SFXN3: variants seen among roughly 807,000 people sequenced by gnomAD.
SFXN3 encodes sideroflexin 3.
Under a neutral mutation model 40.4 loss-of-function variants are expected in SFXN3, and 31 were observed. The observed-to-expected ratio is 0.77, with a 90% CI of 0.58 to 1.04. The LOEUF is 1.04. Among genes scored for constraint, SFXN3 ranks in the 50% least tolerant of loss-of-function variants. The pLI, the probability that SFXN3 is intolerant of heterozygous loss-of-function variation, is 0.00. For synonymous variants in SFXN3, 157 were observed against 160.0 expected (o/e 0.98, Z 0.14); for missense variants, 366 against 408.2 (o/e 0.90, Z 0.89).
At chr10:101,035,464 C>A in intron 3 of SFXN3, 33 bp from the exon 4 acceptor site, 1 of 1,575,290 alleles carries the variant, frequency 6.3e-7, no homozygotes, top group Non-Finnish European at 8.6e-7. Flanking sequence ...TGCCCCCTGG[C>A]ATAGCCTGTC....
At chr10:101,035,521 C>T in exon 4 of SFXN3, 1 of 1,609,492 alleles carries the variant, frequency 6.2e-7, no homozygotes, top group South Asian at 1.1e-5. Flanking sequence ...CCCCAGGGAT[C>T]ACCGAGGACC....
At position 101,039,665 on chromosome 10, in the gene SFXN3, A is replaced by G; in HGVS notation, c.*80A>G. 2 of 1,403,550 alleles carry G rather than the reference A, an allele frequency of 1.4e-6. No homozygotes were observed. Among genetic ancestry groups the G allele is most frequent in the Non-Finnish European group, 2.0e-6 (2 of 990,072 alleles). 86.9% of individuals were successfully genotyped at this position (1,403,550 alleles called of 1,614,324 possible). A position where few individuals can be genotyped will look rare whatever the true frequency, so the allele number is the denominator to read the frequency against. On this transcript the variant is annotated 3_prime_UTR_variant, in exon 12 of 12. Transcript: ENST00000393459. This position sits in a 1 kb window ranked among gnomAD's most constrained non-coding sequence, Gnocchi z 4.6. ...GTCATGTCACCCCTACCACTTGGCT[A>G]TCTGCCTAGCACTGGGCAGGGGCCT...
At position 101,039,165 on chromosome 10, in the gene SFXN3, TC is replaced by T; in HGVS notation, c.822-9del. 6.2e-7 allele frequency: 1 copy of T among 1,607,960 alleles called. No individual in the cohort carries two copies. ...GCTTTACAAACCTTTCCAACACTTG[TC>T]TCCCCCAGCCTGGTATTTGCAACCC... On this transcript the variant is annotated splice_polypyrimidine_tract_variant and intron_variant, in intron 10 of 11. Transcript: ENST00000393459. This position sits in a 1 kb window ranked among gnomAD's most constrained non-coding sequence, Gnocchi z 4.6.
At position 101,037,364 on chromosome 10, in the gene SFXN3, GC is replaced by G; in HGVS notation, c.722-15del. 6.2e-7 allele frequency: 1 copy of G among 1,614,020 alleles called. No homozygotes were observed. Among genetic ancestry groups the G allele is most frequent in the Non-Finnish European group, 8.5e-7 (1 of 1,179,994 alleles). ...TCCACTACTAATGTTCTCCTTCTTG[GC>G]CCTGCTCTCCCCACAGCCATCCCAC... On this transcript the variant is annotated splice_polypyrimidine_tract_variant and intron_variant, in intron 8 of 11. Coordinates refer to ENST00000393459, the Ensembl canonical transcript of SFXN3.
chr10:101,037,939 TG>T (rs1938700433), intron 9 of SFXN3: 1 of 789,430 alleles, frequency 1.3e-6, no homozygotes, highest in Admixed American at 5.3e-5. Flanking sequence ...CCTGTCCTCA[TG>T]AAGTTTATAG....
intron 2 of SFXN3, among the ~76,000 whole-genome samples, chr10:101,033,758 G>C (rs1394497341): frequency 6.6e-6 from 1 of 152,140 alleles, no homozygotes; most frequent in African/African-American, 2.4e-5. Flanking sequence ...TGTAGTAGTA[G>C]AGCAGGTTGA....
intron 2 of SFXN3, among the ~76,000 whole-genome samples, chr10:101,034,156 G>A (rs978657567): frequency 2.0e-5 from 3 of 151,992 alleles, no homozygotes; most frequent in Non-Finnish European, 4.4e-5. Flanking sequence ...CTCATCCCAC[G>A]AGGCCATATT....
At chr10:101,035,528 G>T in exon 4 of SFXN3, 1 of 1,612,012 alleles carries the variant, frequency 6.2e-7, no homozygotes, top group Non-Finnish European at 8.5e-7. Flanking sequence ...GATCACCGAG[G>T]ACCAGCTGTG....
At position 101,036,609 on chromosome 10, in the gene SFXN3, C is replaced by T. The variant is rs758695140; in HGVS notation, c.507+48C>T. 1 of 1,613,198 alleles carries T rather than the reference C, an allele frequency of 6.2e-7. No individual in the cohort carries two copies. The highest frequency in any genetic ancestry group is 1.1e-5 in the South Asian group (1 of 90,968). On this transcript the variant is annotated intron_variant, in intron 6 of 11. Coordinates refer to ENST00000393459, the Ensembl canonical transcript of SFXN3. This position sits in a 1 kb window ranked among gnomAD's most constrained non-coding sequence, Gnocchi z 4.2. Reference sequence around the variant, plus strand: ...ACCACCCCATTCATCCTCTATCTGCCTCCTTCTTCCTCATCACACCTCCAG... The same window carrying T: ...ACCACCCCATTCATCCTCTATCTGCTTCCTTCTTCCTCATCACACCTCCAG...
exon 8 of SFXN3, chr10:101,037,164 G>C: frequency 6.2e-7 from 1 of 1,614,004 alleles, no homozygotes; most frequent in Non-Finnish European, 8.5e-7. Flanking sequence ...AATCTTCCAG[G>C]TGGTGATTTC....
exon 9 of SFXN3, chr10:101,037,387 C>T (rs754778909): frequency 6.2e-7 from 1 of 1,614,144 alleles, no homozygotes; most frequent in East Asian, 2.2e-5. Context: ...CACAGCCATC[C>T]CACCACTGAT....
intron 9 of SFXN3, 106 bp downstream of exon 9, chr10:101,037,537 C>A: frequency 6.2e-7 from 1 of 1,608,272 alleles, no homozygotes; most frequent in Non-Finnish European, 8.5e-7. Context: ...ACTTGCCAGC[C>A]CTTCTCCTGA....
chr10:101,039,379 C>T lies in SFXN3; in HGVS notation c.870-110C>T. The T allele has an allele frequency of 8.3e-7, 1 of 1,211,906 alleles. No homozygotes were observed. Among genetic ancestry groups the T allele is most frequent in the Non-Finnish European group, 1.2e-6 (1 of 819,716 alleles). 75.1% of individuals were successfully genotyped at this position (1,211,906 alleles called of 1,614,324 possible). A position where few individuals can be genotyped will look rare whatever the true frequency, so the allele number is the denominator to read the frequency against. On this transcript the variant is annotated intron_variant, in intron 11 of 11. Transcript: ENST00000393459. The surrounding 1 kb of genome is among the most constrained non-coding windows in gnomAD (Gnocchi z 4.6). The stretch of plus-strand genomic sequence containing the variant: ...AATGACAGTGAGCCAGTCCTTCTGG[C>T]AGTAGAAGGAGAGGATTTTTCAGCC...
chr10:101,039,382 TAGA>T lies in SFXN3; in HGVS notation c.870-104_870-102del, dbSNP rs1342923830. 4.1e-6 allele frequency: 5 copies of T among 1,229,444 alleles called. No homozygotes were observed. Among genetic ancestry groups the T allele is most frequent in the Non-Finnish European group, 6.0e-6 (5 of 834,620 alleles). The allele number at this position is 1,229,444 out of a possible 1,614,324, so 76.2% of individuals were successfully genotyped here. ...GACAGTGAGCCAGTCCTTCTGGCAGTAGAAGGAGAGGATTTTTCAGCCTGGGAG... is the reference window on the plus strand; with the variant it reads ...GACAGTGAGCCAGTCCTTCTGGCAGTAGGAGAGGATTTTTCAGCCTGGGAG... On this transcript the variant is annotated intron_variant, in intron 11 of 11. Coordinates refer to ENST00000393459, the Ensembl canonical transcript of SFXN3. The surrounding 1 kb of genome is among the most constrained non-coding windows in gnomAD (Gnocchi z 4.6).
At position 101,035,559 on chromosome 10, in the gene SFXN3, A is replaced by T. The variant is rs773365375; in HGVS notation, c.224A>T (p.Asp75Val). The stretch of plus-strand genomic sequence containing the variant: ...CTGTGGAGGGCCAAGTATGTGTATG[A>T]CTCCGCCTTCCATCCGGACACAGGG... The change falls in exon 4 of 12, where the codon GAC becomes GTC. Residue 75 changes from aspartate to valine, a missense_variant. Coordinates refer to ENST00000393459, the Ensembl canonical transcript of SFXN3. 3 of 1,613,660 alleles carry T rather than the reference A, an allele frequency of 1.9e-6. No individual in the cohort carries two copies. The Admixed American group carries it at 5.0e-5, about 27-fold the overall frequency.
exon 8 of SFXN3, chr10:101,037,146 A>C (rs200728595): frequency 6.2e-7 from 1 of 1,613,968 alleles, no homozygotes; most frequent in South Asian, 1.1e-5. Context: ...GACTGCAGCC[A>C]AGCAGGGAAT....
Position 101,036,449 on chromosome 10 carries a change from G to C in SFXN3, c.432-37G>C. On this transcript the variant is annotated intron_variant, in intron 5 of 11. Transcript: ENST00000393459. This position sits in a 1 kb window ranked among gnomAD's most constrained non-coding sequence, Gnocchi z 4.2. ...AAGGAAAGGGCCACCTGCTGGACTT[G>C]TCACCTCTCCCCGTGACCTGGCTTT... The C allele has an allele frequency of 6.2e-7, 1 of 1,609,148 alleles. No homozygotes were observed. Among genetic ancestry groups the C allele is most frequent in the Non-Finnish European group, 8.5e-7 (1 of 1,175,608 alleles).
chr10:101,039,413 G>T lies in SFXN3; in HGVS notation c.870-76G>T. ...GAGAGGATTTTTCAGCCTGGGAGGAGGTGGGATGGCAATCCCTGGGCCTGA... is the reference window on the plus strand; with the variant it reads ...GAGAGGATTTTTCAGCCTGGGAGGATGTGGGATGGCAATCCCTGGGCCTGA... On this transcript the variant is annotated intron_variant, in intron 11 of 11. Transcript: ENST00000393459. The surrounding 1 kb of genome is among the most constrained non-coding windows in gnomAD (Gnocchi z 4.6). 7.2e-7 allele frequency: 1 copy of T among 1,392,854 alleles called. No homozygotes were observed. The highest frequency in any genetic ancestry group is 1.0e-6 in the Non-Finnish European group (1 of 979,630). The allele number at this position is 1,392,854 out of a possible 1,614,324, so 86.3% of individuals were successfully genotyped here.
Position 101,039,236 on chromosome 10 carries a change from C to T in SFXN3, c.869+14C>T, listed in dbSNP as rs775289139. On this transcript the variant is annotated intron_variant, in intron 11 of 11. Coordinates refer to ENST00000393459, the Ensembl canonical transcript of SFXN3. The surrounding 1 kb of genome is among the most constrained non-coding windows in gnomAD (Gnocchi z 4.6). ...CCCCCAGAAGAGGTAAGTGCTGTCCCTGGGCTGGGTGGGGGACTCTGGATT... is the reference window on the plus strand; with the variant it reads ...CCCCCAGAAGAGGTAAGTGCTGTCCTTGGGCTGGGTGGGGGACTCTGGATT... The T allele has an allele frequency of 1.9e-6, 3 of 1,602,614 alleles. No individual in the cohort carries two copies. Among genetic ancestry groups the T allele is most frequent in the South Asian group, 1.1e-5 (1 of 89,362 alleles).
Sources: allele counts gnomAD v4.1 joint callset (sites outside exome capture counted in the v4.1 genomes callset), GRCh38; gene constraint gnomAD v4.1.1; non-coding constraint Gnocchi (gnomAD v3.1); transcripts MANE v1.5; gene names NCBI Gene and HGNC (gene_info 2026-07-23, HGNC 2026-07-21).